LTBP1: variants seen among roughly 807,000 people sequenced by gnomAD.
LTBP1 encodes latent-transforming growth factor beta-binding protein 1.
Under a neutral mutation model 207.6 loss-of-function variants are expected in LTBP1, and 129 were observed. The ratio of observed to expected loss-of-function variants is 0.62; its 90% CI spans 0.54 to 0.72. The LOEUF is 0.72. LTBP1 is among the 30% of genes least tolerant of loss of function. LTBP1 has a pLI of 0.00. For synonymous variants in LTBP1, 963 were observed against 833.7 expected (o/e 1.16, Z -2.67); for missense variants, 2,281 against 2,217.2 (o/e 1.03, Z -0.58).
At chr2:33,250,635 C>T (rs1573426064) in intron 10 of LTBP1, among the ~76,000 whole-genome samples, 1 of 152,272 alleles carries the variant, frequency 6.6e-6, no homozygotes, top group Middle Eastern at 3.4e-3. Context: ...GAGAGCCCTT[C>T]GGCCCTCACA....
In LTBP1 at chr2:33,026,266, C is replaced by T. The variant is rs2149271632; in HGVS notation, c.863+5060C>T. Among the ~76,000 whole-genome samples, 2 of 152,244 alleles carry T rather than the reference C, an allele frequency of 1.3e-5. 1 individual carries two copies. The highest frequency in any genetic ancestry group is 4.1e-4 in the South Asian group (2 of 4,822). On this transcript the variant is annotated intron_variant, in intron 3 of 33. Coordinates refer to ENST00000404816, the MANE Select transcript of LTBP1 (RefSeq NM_206943.4). ...GCTCAATATTGAACCCCCACCTCAA[C>T]CCCACCAACTCTCTCCCAGGTTTCT...
intron 5 of LTBP1, among the ~76,000 whole-genome samples, chr2:33,140,666 TTAA>T (rs1368956732): frequency 4.3e-5 from 5 of 116,662 alleles, no homozygotes; most frequent in African/African-American, 1.2e-4. Flanking sequence ...TATTAATTAA[TTAA>T]TTTTTTTTTT....
chr2:33,177,694 A>C (rs1235180723), intron 5 of LTBP1, among the ~76,000 whole-genome samples: 1 of 152,198 alleles, frequency 6.6e-6, no homozygotes, highest in African/African-American at 2.4e-5. Context: ...AAAGAAATGC[A>C]GACAAGCTAA....
chr2:32,947,858 G>GCGCACCGCC, intron 1 of LTBP1, 40 bp downstream of exon 1: 1 of 1,273,640 alleles, frequency 7.9e-7, no homozygotes, highest in Non-Finnish European at 1.0e-6. Context: ...CCCGCCTCGC[G>GCGCACCGCC]CGCACCGCCC....
chr2:33,263,404 A>AT lies in LTBP1; in HGVS notation c.2617+17dup. On this transcript the variant is annotated intron_variant, in intron 15 of 33. Transcript: ENST00000404816. Reference sequence around the variant, plus strand: ...TACTCAAGTGACAGGTTGGTGCAGTATTTTTACATTATATATCACATGGAG... The same window carrying AT: ...TACTCAAGTGACAGGTTGGTGCAGTATTTTTTACATTATATATCACATGGAG... The AT allele has an allele frequency of 1.3e-6, 2 of 1,592,628 alleles. No individual in the cohort carries two copies. The highest frequency in any genetic ancestry group is 1.7e-6 in the Non-Finnish European group (2 of 1,161,012).
intron 19 of LTBP1, among the ~76,000 whole-genome samples, chr2:33,290,130 A>G (rs2148790282): frequency 6.6e-6 from 1 of 152,290 alleles, no homozygotes; most frequent in Non-Finnish European, 1.5e-5. Flanking sequence ...CACAGAGGCA[A>G]CCTCACTTTA....
chr2:33,295,809 T>C (rs1185674252), intron 20 of LTBP1, among the ~76,000 whole-genome samples: 4 of 152,206 alleles, frequency 2.6e-5, no homozygotes, highest in Non-Finnish European at 5.9e-5. Context: ...AATTAATTTC[T>C]CACTATGGTA....
chr2:33,315,164 C>T lies in LTBP1; in HGVS notation c.3625C>T (p.Pro1209Ser), dbSNP rs375695717. 3.1e-6 allele frequency: 5 copies of T among 1,604,438 alleles called. No homozygotes were observed. The highest frequency in any genetic ancestry group is 1.8e-5 in the Admixed American group (1 of 56,356). ...TCQDINECEH[P>S]GLCGPQGECL... is the part of the protein sequence containing the mutation. ...TACAGATATTAATGAATGTGAACAT[C>T]CAGGGCTCTGTGGTCCGCAAGGGGA... Residue 1209 changes from proline to serine, a missense_variant, in exon 24 of 34, where the codon CCA (proline) becomes TCA (serine). This residue lies in a region of LTBP1 where 1,671 missense variants were observed against 1,634.8 expected (regional missense o/e 1.02). Coordinates refer to ENST00000404816, the MANE Select transcript of LTBP1 (RefSeq NM_206943.4).
chr2:32,977,054 T>C (rs1337022425), intron 2 of LTBP1, among the ~76,000 whole-genome samples: 2 of 152,208 alleles, frequency 1.3e-5, no homozygotes, highest in Non-Finnish European at 1.5e-5. Flanking sequence ...TGCCCTGCTG[T>C]CCGGGTGTTA....
At chr2:33,044,328 T>G (rs552334474) in intron 3 of LTBP1, among the ~76,000 whole-genome samples, 3 of 152,236 alleles carry the variant, frequency 2.0e-5, no homozygotes, top group African/African-American at 7.2e-5. Context: ...TGTGTTCTCA[T>G]TGTTCAACTC....
At position 33,134,691 on chromosome 2, in the gene LTBP1, C is replaced by T; in HGVS notation, c.1034-102C>T. Reference sequence around the variant, plus strand: ...GGCTCTCTCTTTTCCCCTCTTGCTCCTTTCTTTTCTTTTTTTCTGTTTTTT... The same window carrying T: ...GGCTCTCTCTTTTCCCCTCTTGCTCTTTTCTTTTCTTTTTTTCTGTTTTTT... On this transcript the variant is annotated intron_variant, in intron 4 of 33. Coordinates refer to ENST00000404816, the MANE Select transcript of LTBP1 (RefSeq NM_206943.4). This position sits in a 1 kb window ranked among gnomAD's most constrained non-coding sequence, Gnocchi z 4.4. 2 of 1,604,178 alleles carry T rather than the reference C, an allele frequency of 1.2e-6. No homozygotes were observed. Among genetic ancestry groups the T allele is most frequent in the Non-Finnish European group, 1.7e-6 (2 of 1,176,530 alleles).
chr2:33,182,787 A>G (rs968689746), intron 5 of LTBP1, among the ~76,000 whole-genome samples: 8 of 148,832 alleles, frequency 5.4e-5, no homozygotes, highest in Admixed American at 4.0e-4. Flanking sequence ...GTATTCTAGT[A>G]TAGATTGATT....
chr2:33,115,104 GTACACACACACACACATATATA>G (rs1320747854), intron 4 of LTBP1, among the ~76,000 whole-genome samples: 2 of 67,620 alleles, frequency 3.0e-5, no homozygotes, highest in Non-Finnish European at 6.3e-5. Context: ...ACACATATAT[GTACACACACACACACATATATA>G]TACACACACA....
At chr2:33,167,756 G>A (rs2085055937) in intron 5 of LTBP1, among the ~76,000 whole-genome samples, 1 of 152,208 alleles carries the variant, frequency 6.6e-6, no homozygotes, top group Non-Finnish European at 1.5e-5. Flanking sequence ...GAGTCCAAGT[G>A]TTCAGGATGA....
intron 2 of LTBP1, among the ~76,000 whole-genome samples, chr2:32,959,621 A>ATATTT (rs1475834284): frequency 3.3e-4 from 12 of 36,672 alleles, no homozygotes; most frequent in East Asian, 1.4e-3. Flanking sequence ...ATATATATAT[A>ATATTT]TTTTTTTTTT....
chr2:33,155,556 G>GT (rs779906671), intron 5 of LTBP1, among the ~76,000 whole-genome samples: 6 of 152,164 alleles, frequency 3.9e-5, no homozygotes, highest in Non-Finnish European at 8.8e-5. Flanking sequence ...ATTGTAGGAT[G>GT]TTTGTAGCAT....
At chr2:32,983,416 CTT>C in intron 2 of LTBP1, among the ~76,000 whole-genome samples, 1 of 152,170 alleles carries the variant, frequency 6.6e-6, no homozygotes, top group East Asian at 1.9e-4. Context: ...GGACTGTGGA[CTT>C]TTGAGTTAAT....
chr2:33,162,394 A>C (rs534828604), intron 5 of LTBP1, among the ~76,000 whole-genome samples: 8 of 152,326 alleles, frequency 5.3e-5, no homozygotes, highest in African/African-American at 1.9e-4. Flanking sequence ...TTACTTAGGA[A>C]ATCCTCTCAA....
chr2:32,979,161 C>G (rs1051802708), intron 2 of LTBP1, among the ~76,000 whole-genome samples: 1 of 150,584 alleles, frequency 6.6e-6, no homozygotes, highest in African/African-American at 2.4e-5. Context: ...TTTCATTGAT[C>G]TTTTATATAT....
Sources: gnomAD v4.1 joint callset for allele counts (sites outside exome capture counted in the v4.1 genomes callset) on GRCh38, gnomAD v4.1.1 for gene constraint, gnomAD v4.1.1 regional missense constraint, Gnocchi (gnomAD v3.1) non-coding constraint, MANE v1.5 for transcripts, NCBI Gene and HGNC (gene_info 2026-07-23, HGNC 2026-07-21) for gene names.